Variants in HDAC4 observed in about 807,000 individuals in gnomAD.
HDAC4 encodes the protein histone deacetylase A.
In HDAC4, 16 loss-of-function variants were observed where a neutral mutation model predicts 135.1. The ratio of observed to expected loss-of-function variants is 0.12; its 90% CI spans 0.08 to 0.18. The LOEUF (loss-of-function observed/expected upper bound fraction) is 0.18. Among genes scored for constraint, HDAC4 ranks in the 10% least tolerant of loss-of-function variants. The pLI is 1.00. For missense variants in HDAC4, 1,143 were observed against 1,511.8 expected, an observed-to-expected ratio of 0.76 and a Z score of 4.05; for synonymous variants, 685 against 653.4, an observed-to-expected ratio of 1.05 and a Z score of -0.74.
chr2:239,282,637 A>ACCACTCTACAAACAATGTACACC (rs2050861358), intron 2 of HDAC4, among the ~76,000 whole-genome samples: 1 of 141,588 alleles, frequency 7.1e-6, no homozygotes, highest in East Asian at 2.0e-4. Context: ...CAATGTACAC[A>ACCACTCTACAAACAATGTACACC]CCACTCTACA....
At chr2:239,272,165 C>G (rs2050094226) in intron 2 of HDAC4, among the ~76,000 whole-genome samples, 1 of 152,212 alleles carries the variant, frequency 6.6e-6, no homozygotes, top group Non-Finnish European at 1.5e-5. Context: ...TCCTAACAGC[C>G]CAGAGAAGCC....
chr2:239,327,144 G>A (rs759565751), intron 2 of HDAC4, among the ~76,000 whole-genome samples: 5 of 152,250 alleles, frequency 3.3e-5, no homozygotes, highest in African/African-American at 1.2e-4. Flanking sequence ...AGAGCCTGGG[G>A]TCAGAAGGCG....
At chr2:239,054,331 T>C (rs1190516247) in intron 25 of HDAC4, among the ~76,000 whole-genome samples, 5 of 152,090 alleles carry the variant, frequency 3.3e-5, no homozygotes, top group Non-Finnish European at 5.9e-5. Flanking sequence ...TCAGAGGGCC[T>C]ACACCCTGCC....
intron 9 of HDAC4, among the ~76,000 whole-genome samples, chr2:239,136,916 A>G (rs1038151948): frequency 1.3e-4 from 20 of 152,358 alleles, no homozygotes; most frequent in Middle Eastern, 3.4e-3. Context: ...ATTTGCTCAC[A>G]TATTACATTG....
At chr2:239,263,555 G>A (rs2049517125) in intron 2 of HDAC4, among the ~76,000 whole-genome samples, 1 of 152,212 alleles carries the variant, frequency 6.6e-6, no homozygotes, top group Admixed American at 6.5e-5. Context: ...CCCGCACGGA[G>A]CTGCTGTCAA....
chr2:239,353,934 G>A (rs190524045), intron 1 of HDAC4, among the ~76,000 whole-genome samples: 28 of 152,220 alleles, frequency 1.8e-4, no homozygotes, highest in Admixed American at 5.2e-4. Flanking sequence ...CATTCCTCAC[G>A]TAACATGATA....
chr2:239,310,198 C>A (rs1044343622), intron 2 of HDAC4, among the ~76,000 whole-genome samples: 2 of 152,200 alleles, frequency 1.3e-5, no homozygotes, highest in African/African-American at 4.8e-5. Context: ...CACAATACTT[C>A]TTATTATATA....
intron 4 of HDAC4, among the ~76,000 whole-genome samples, chr2:239,187,342 A>G (rs2044623586): frequency 6.6e-6 from 1 of 152,180 alleles, no homozygotes; most frequent in Non-Finnish European, 1.5e-5. Flanking sequence ...GAGCTACGGT[A>G]CTCATTTTAA....
rs552489121 is a variant in HDAC4 at position 239,320,559 on chromosome 2, T to C, written c.22+32119A>G. On this transcript the variant is annotated intron_variant, in intron 2 of 26. Coordinates refer to ENST00000543185, the MANE Select transcript of HDAC4 (RefSeq NM_001378414.1). Reference sequence around the variant, plus strand: ...TTCTGTTATGTAAAAATATGTATTTTAATCAAAACTATTTTGCTGTTGAAC... The same window carrying C: ...TTCTGTTATGTAAAAATATGTATTTCAATCAAAACTATTTTGCTGTTGAAC... Among the ~76,000 whole-genome samples the C allele has an allele frequency of 3.9e-5, 6 of 152,338 alleles. No homozygotes were observed. In the South Asian group the frequency reaches 1.2e-3, roughly 32 times the overall value.
At chr2:239,190,930 T>C in intron 3 of HDAC4, 1 of 466,950 alleles carries the variant, frequency 2.1e-6, no homozygotes, top group African/African-American at 2.0e-5. Flanking sequence ...CGCACCCCTT[T>C]TACGGCAGGT....
At chr2:239,236,980 G>A (rs1247954397) in intron 2 of HDAC4, among the ~76,000 whole-genome samples, 1 of 152,114 alleles carries the variant, frequency 6.6e-6, no homozygotes, top group Non-Finnish European at 1.5e-5. Context: ...CTCTTCTGCA[G>A]ACCACAAGCA....
At chr2:239,078,888 A>G (rs1222778759) in intron 22 of HDAC4, among the ~76,000 whole-genome samples, 3 of 152,112 alleles carry the variant, frequency 2.0e-5, no homozygotes, top group African/African-American at 4.8e-5. Flanking sequence ...ACTGACCTGA[A>G]AGAGGGCAGC....
intron 12 of HDAC4, among the ~76,000 whole-genome samples, chr2:239,118,544 G>A (rs2039349183): frequency 1.3e-5 from 2 of 152,194 alleles, no homozygotes; most frequent in South Asian, 4.1e-4. Flanking sequence ...GCCGTTGGGA[G>A]AGGAATAAGT....
chr2:239,087,426 GC>G, intron 19 of HDAC4, 132 bp downstream of exon 19: 1 of 833,734 alleles, frequency 1.2e-6, no homozygotes, highest in Admixed American at 2.1e-5. Flanking sequence ...AGCCAAGCCG[GC>G]ATGCGGCACA....
rs2050119077 is a variant in HDAC4 at position 239,272,665 on chromosome 2, CCTGA to C, written c.23-36005_23-36002del. 3.3e-5 allele frequency among the ~76,000 whole-genome samples: 5 copies of C among 152,338 alleles called. No homozygotes were observed. The South Asian group carries it at 1.0e-3, about 32-fold the overall frequency. The stretch of plus-strand genomic sequence containing the variant: ...CAGGATCAAAAAGATACAAGACCAC[CCTGA>C]CTGTCAAACCCAGCATCGGAACCTC... On this transcript the variant is annotated intron_variant, in intron 2 of 26. Transcript: ENST00000543185.
intron 3 of HDAC4, among the ~76,000 whole-genome samples, chr2:239,217,773 A>C (rs751299998): frequency 2.0e-5 from 3 of 152,192 alleles, no homozygotes; most frequent in Non-Finnish European, 4.4e-5. Flanking sequence ...GTCAAATAGG[A>C]AACAAAACAA....
chr2:239,385,294 G>A (rs1695713782), intron 1 of HDAC4, among the ~76,000 whole-genome samples: 1 of 152,242 alleles, frequency 6.6e-6, no homozygotes, highest in Non-Finnish European at 1.5e-5. Flanking sequence ...AGTACATGGG[G>A]GCACACAGCG....
At chr2:239,275,604 G>A (rs986378274) in intron 2 of HDAC4, among the ~76,000 whole-genome samples, 1 of 152,096 alleles carries the variant, frequency 6.6e-6, no homozygotes, top group Admixed American at 6.5e-5. Flanking sequence ...AGCAGCCACC[G>A]CCCCTGCCTG....
rs752314294 is a variant in HDAC4, at chr2:239,051,157, C to G, written c.*1940G>C. On this transcript the variant is annotated 3_prime_UTR_variant, in exon 27 of 27. Coordinates refer to ENST00000543185, the MANE Select transcript of HDAC4 (RefSeq NM_001378414.1). ...AGGGTGGCCGGGCATCCTAAGCAACCCTCCCTGCCCTTGCCACGGAGGGGA... is the reference window on the plus strand; with the variant it reads ...AGGGTGGCCGGGCATCCTAAGCAACGCTCCCTGCCCTTGCCACGGAGGGGA... 1.0e-4 allele frequency: 16 copies of G among 152,604 alleles called. No individual in the cohort carries two copies. The highest frequency in any genetic ancestry group is 2.2e-4 in the Non-Finnish European group (15 of 68,032). 9.5% of individuals were successfully genotyped at this position (152,604 alleles called of 1,614,324 possible).
Sources: gnomAD v4.1 joint callset for allele counts (sites outside exome capture counted in the v4.1 genomes callset) on GRCh38, gnomAD v4.1.1 for gene constraint, MANE v1.5 for transcripts, NCBI Gene and HGNC (gene_info 2026-07-23, HGNC 2026-07-21) for gene names.